The following GPATCH2 variants were observed in gnomAD, a reference collection of about 807,000 sequenced individuals.
The protein encoded by GPATCH2 is G-patch domain containing 2.
A neutral mutation model predicts 58.0 loss-of-function variants in GPATCH2; 51 were observed. The ratio of observed to expected loss-of-function variants is 0.88; its 90% CI spans 0.70 to 1.11. The LOEUF (loss-of-function observed/expected upper bound fraction) is 1.11. Among genes scored for constraint, GPATCH2 ranks in the 50% most tolerant of loss-of-function variants. GPATCH2 has a pLI of 0.00. For missense variants in GPATCH2, 625 were observed against 652.2 expected (o/e 0.96, Z 0.45); for synonymous variants, 222 against 218.5 (o/e 1.02, Z -0.14).
intron 5 of GPATCH2, among the ~76,000 whole-genome samples, chr1:217,571,060 C>T (rs889448880): frequency 1.3e-4 from 20 of 152,270 alleles, no homozygotes; most frequent in South Asian, 4.1e-4. Context: ...TAATCAATCC[C>T]GCTTCAAAGT....
chr1:217,474,647 C>T (rs571913491), intron 8 of GPATCH2, among the ~76,000 whole-genome samples: 1 of 152,298 alleles, frequency 6.6e-6, no homozygotes, highest in South Asian at 2.1e-4. Context: ...GTGAGGAATG[C>T]CTACGTTAAG....
chr1:217,590,381 A>G (rs923101634), intron 5 of GPATCH2, among the ~76,000 whole-genome samples: 6 of 152,068 alleles, frequency 3.9e-5, no homozygotes, highest in African/African-American at 1.4e-4. Flanking sequence ...TCAAAATGCA[A>G]CCATCTCATT....
chr1:217,556,005 CTCTT>C (rs1665600629), intron 5 of GPATCH2, among the ~76,000 whole-genome samples: 1 of 152,194 alleles, frequency 6.6e-6, no homozygotes, highest in Admixed American at 6.5e-5. Flanking sequence ...GAACTGCTCT[CTCTT>C]TCTTAATACT....
At chr1:217,591,904 T>C (rs1305538336) in intron 5 of GPATCH2, among the ~76,000 whole-genome samples, 1 of 152,052 alleles carries the variant, frequency 6.6e-6, no homozygotes, top group Non-Finnish European at 1.5e-5. Flanking sequence ...TTTTTAAAGT[T>C]TTTACAGCTA....
At chr1:217,507,370 C>T (rs1036413971) in intron 6 of GPATCH2, among the ~76,000 whole-genome samples, 1 of 152,152 alleles carries the variant, frequency 6.6e-6, no homozygotes, top group African/African-American at 2.4e-5. Context: ...TCAAGAGGCC[C>T]TGCTAAACTT....
chr1:217,604,331 A>G (rs1668256313), intron 5 of GPATCH2, among the ~76,000 whole-genome samples: 2 of 151,348 alleles, frequency 1.3e-5, no homozygotes, highest in Admixed American at 1.3e-4. Flanking sequence ...AACCTGGGTG[A>G]CAGACTCCAT....
chr1:217,431,485 G>T, intron 9 of GPATCH2, 120 bp from the exon 10 acceptor site: 1 of 657,408 alleles, frequency 1.5e-6, no homozygotes, highest in Non-Finnish European at 2.7e-6. Context: ...GGTACTAGAG[G>T]GGGTTGCGTA....
At chr1:217,487,307 TAATATA>T (rs1315507322) in intron 8 of GPATCH2, among the ~76,000 whole-genome samples, 1 of 152,170 alleles carries the variant, frequency 6.6e-6, no homozygotes, top group Non-Finnish European at 1.5e-5. Context: ...ACCGAATTTC[TAATATA>T]AATAAACATT....
Position 217,427,678 on chromosome 1 carries a change from T to A in GPATCH2, c.*3467A>T, listed in dbSNP as rs1201598416. ...TCACTTTTCTTTTTGAAAGACAAAA[T>A]ACAGGTGAAAACAGTTTTAAAAAGC... On this transcript the variant is annotated 3_prime_UTR_variant, in exon 10 of 10. Coordinates refer to ENST00000366935, the MANE Select transcript of GPATCH2 (RefSeq NM_018040.5). 1.3e-5 allele frequency: 2 copies of A among 152,140 alleles called. No individual in the cohort carries two copies. Among genetic ancestry groups the A allele is most frequent in the Non-Finnish European group, 2.9e-5 (2 of 67,976 alleles). The allele number at this position is 152,140 out of a possible 1,614,324, so 9.4% of individuals were successfully genotyped here.
intron 5 of GPATCH2, among the ~76,000 whole-genome samples, chr1:217,580,512 TCC>T (rs1667022124): frequency 1.3e-5 from 2 of 152,186 alleles, no homozygotes; most frequent in Non-Finnish European, 2.9e-5. Flanking sequence ...GTGAAAATTT[TCC>T]CCGTTATCTC....
At chr1:217,614,808 AGGAG>A (rs370481133) in intron 2 of GPATCH2, among the ~76,000 whole-genome samples, 4 of 152,026 alleles carry the variant, frequency 2.6e-5, no homozygotes, top group African/African-American at 9.6e-5. Flanking sequence ...ACAAATATTA[AGGAG>A]GGAGTGTGTA....
intron 8 of GPATCH2, among the ~76,000 whole-genome samples, chr1:217,484,675 G>A (rs1459390272): frequency 7.8e-4 from 117 of 149,356 alleles, no homozygotes; most frequent in African/African-American, 2.8e-3. Flanking sequence ...ATATACACGT[G>A]TATACACATA....
intron 5 of GPATCH2, among the ~76,000 whole-genome samples, chr1:217,595,595 G>C (rs1434016986): frequency 6.6e-6 from 1 of 151,952 alleles, no homozygotes; most frequent in Non-Finnish European, 1.5e-5. Context: ...CGCCTCCTGG[G>C]TTCAAGAAAT....
intron 8 of GPATCH2, among the ~76,000 whole-genome samples, chr1:217,474,826 C>T (rs952536452): frequency 2.0e-5 from 3 of 151,676 alleles, no homozygotes; most frequent in South Asian, 2.1e-4. Flanking sequence ...TGTTTTTCTA[C>T]AAGTTGAAAA....
At chr1:217,492,375 C>T (rs1224999163) in intron 7 of GPATCH2, 2 of 152,136 alleles carry the variant, frequency 1.3e-5, no homozygotes, top group African/African-American at 4.8e-5. Flanking sequence ...TTTACACTTG[C>T]TTTACCCTAA....
rs1482823424 is a variant in GPATCH2 at position 217,610,982 on chromosome 1, C to T, written c.925G>A (p.Asp309Asn). ...TGVVPWWEKE[D>N]PTELDKNVPD... ...ACATTTTTGTCTAGCTCAGTAGGATCTTCCTTTTCCCACCAGGGCACAACT... is the reference window on the plus strand; with the variant it reads ...ACATTTTTGTCTAGCTCAGTAGGATTTTCCTTTTCCCACCAGGGCACAACT... The change falls in exon 4 of 10, where the codon GAT becomes AAT. Residue 309 changes from aspartate to asparagine, a missense_variant. Coordinates refer to ENST00000366935, the MANE Select transcript of GPATCH2 (RefSeq NM_018040.5). The T allele has an allele frequency of 6.2e-7, 1 of 1,613,150 alleles. No individual in the cohort carries two copies. Among genetic ancestry groups the T allele is most frequent in the Non-Finnish European group, 8.5e-7 (1 of 1,179,480 alleles).
At chr1:217,474,123 G>A (rs1451359795) in intron 8 of GPATCH2, among the ~76,000 whole-genome samples, 1 of 152,070 alleles carries the variant, frequency 6.6e-6, no homozygotes, top group Non-Finnish European at 1.5e-5. Context: ...GTAATGATGG[G>A]CACTGCTTAT....
intron 5 of GPATCH2, among the ~76,000 whole-genome samples, chr1:217,564,045 GAAAAAAAA>G (rs59348467): frequency 6.9e-5 from 4 of 58,216 alleles, no homozygotes; most frequent in Non-Finnish European, 1.1e-4. Flanking sequence ...ACTCCGTCTC[GAAAAAAAA>G]AAAAAAAAAA....
rs991772427 is a variant in GPATCH2 at position 217,510,803 on chromosome 1, G to T, written c.1166+4019C>A. Among the ~76,000 whole-genome samples, 40 of 152,044 alleles carry T rather than the reference G, an allele frequency of 2.6e-4. 1 individual carries two copies. The highest frequency in any genetic ancestry group is 8.9e-4 in the African/African-American group (37 of 41,404). ...TAATCTACCAGTTGCTGAAAAAAAAGAATTAGAGGCCAGGTGCAGTGGCTC... is the reference window on the plus strand; with the variant it reads ...TAATCTACCAGTTGCTGAAAAAAAATAATTAGAGGCCAGGTGCAGTGGCTC... On this transcript the variant is annotated intron_variant, in intron 6 of 9. Coordinates refer to ENST00000366935, the MANE Select transcript of GPATCH2 (RefSeq NM_018040.5).
Sources: allele counts gnomAD v4.1 joint callset (sites outside exome capture counted in the v4.1 genomes callset), GRCh38; gene constraint gnomAD v4.1.1; transcripts MANE v1.5; gene names NCBI Gene and HGNC (gene_info 2026-07-23, HGNC 2026-07-21).